SEMA4C: variants seen among roughly 807,000 people sequenced by gnomAD.
SEMA4C encodes the protein semaphorin-4C.
A neutral mutation model predicts 89.0 loss-of-function variants in SEMA4C; 19 were observed. That is an observed-to-expected ratio of 0.21 (90% CI 0.15 to 0.31). SEMA4C has a LOEUF of 0.31. Ranked by LOEUF, SEMA4C falls within the 10% of genes least tolerant of loss-of-function variation. SEMA4C has a pLI of 1.00. For synonymous variants in SEMA4C, 428 were observed against 472.7 expected, an observed-to-expected ratio of 0.91 and a Z score of 1.23; for missense variants, 811 against 1,107.0, an observed-to-expected ratio of 0.73 and a Z score of 3.79.
At position 96,864,275 on chromosome 2, in the gene SEMA4C, C is replaced by T. The variant is rs781769096; in HGVS notation, c.1070G>A (p.Arg357His). The stretch of plus-strand genomic sequence containing the variant: ...AGGGCTGGGTACAGGGTCAGTGTAG[C>T]GGTCCCACTTCTGGGCTTCCTCATG... ...EYHEEAQKWD[R>H]YTDPVPSPRP... The change falls in exon 10 of 15, where the codon CGC becomes CAC. Residue 357 changes from arginine (R) to histidine (H), a missense_variant. Arg to His is a conservative substitution (Grantham distance 29). Coordinates refer to ENST00000305476, the MANE Select transcript of SEMA4C (RefSeq NM_017789.5). The surrounding 1 kb of genome is among the most constrained non-coding windows in gnomAD (Gnocchi z 6.3). 6.2e-6 allele frequency: 10 copies of T among 1,613,914 alleles called. No homozygotes were observed. Among genetic ancestry groups the T allele is most frequent in the African/African-American group, 2.7e-5 (2 of 74,914 alleles).
chr2:96,862,134 A>T, intron 12 of SEMA4C: 1 of 522,172 alleles, frequency 1.9e-6, no homozygotes, highest in Non-Finnish European at 3.4e-6. Context: ...TATCGACGTG[A>T]CGTTATTAGA....
chr2:96,863,455 C>T (rs530349057), intron 12 of SEMA4C: 68 of 1,323,088 alleles, frequency 5.1e-5, no homozygotes, highest in Middle Eastern at 2.9e-4. Flanking sequence ...AGCGCAGCCC[C>T]GTGACCTGGC....
rs1380928987 is a variant in SEMA4C, at chr2:96,864,259, T to C, written c.1086A>G (p.Val362=). The change falls in exon 10 of 15, where the codon GTA becomes GTG. Residue 362 remains valine (V), a synonymous_variant. Transcript: ENST00000305476. The surrounding 1 kb of genome is among the most constrained non-coding windows in gnomAD (Gnocchi z 6.3). ...AQKWDRYTDP[V]PSPRPGSCIN... Reference sequence around the variant, plus strand: ...TCACCGAGCCAGGCCGAGGGCTGGGTACAGGGTCAGTGTAGCGGTCCCACT... The same window carrying C: ...TCACCGAGCCAGGCCGAGGGCTGGGCACAGGGTCAGTGTAGCGGTCCCACT... 1.9e-6 allele frequency: 3 copies of C among 1,613,954 alleles called. No homozygotes were observed. Among genetic ancestry groups the C allele is most frequent in the Middle Eastern group, 1.6e-4 (1 of 6,062 alleles).
At chr2:96,867,133 G>A (rs562239344) in intron 2 of SEMA4C, among the ~76,000 whole-genome samples, 71 of 152,284 alleles carry the variant, frequency 4.7e-4, no homozygotes, top group African/African-American at 1.6e-3. Flanking sequence ...CTGCCGACCT[G>A]TCCTCAGGGT....
At chr2:96,866,480 C>T in intron 2 of SEMA4C, 49 bp from the exon 3 acceptor site, 4 of 1,612,866 alleles carry the variant, frequency 2.5e-6, no homozygotes, top group South Asian at 1.1e-5. Context: ...TGGGGCTCGA[C>T]AGCCCTCAGT....
At chr2:96,867,163 T>C (rs2080092627) in intron 2 of SEMA4C, among the ~76,000 whole-genome samples, 1 of 152,156 alleles carries the variant, frequency 6.6e-6, no homozygotes, top group Non-Finnish European at 1.5e-5. Context: ...CCAGCCTTAG[T>C]CTTTGCAGGC....
intron 2 of SEMA4C, among the ~76,000 whole-genome samples, chr2:96,867,196 C>A (rs929736010): frequency 1.3e-5 from 2 of 152,186 alleles, no homozygotes; most frequent in African/African-American, 4.8e-5. Context: ...AGACACAGAC[C>A]GGCATGGCAG....
At chr2:96,868,071 TC>T in intron 1 of SEMA4C, 148 bp from the exon 2 acceptor site, 1 of 1,137,628 alleles carries the variant, frequency 8.8e-7, no homozygotes, top group Non-Finnish European at 1.2e-6. Context: ...TGGACCTAAG[TC>T]CCCACACTTG....
Position 96,867,889 on chromosome 2 carries a change from C to A in SEMA4C, c.-3G>T. On this transcript the variant is annotated 5_prime_UTR_variant, in exon 2 of 15. Coordinates refer to ENST00000305476, the MANE Select transcript of SEMA4C (RefSeq NM_017789.5). ...CAGACAGCCCAGTGTGGGGCCATGG[C>A]GCACGCCCCGGCTCTGAGCTTCAGG... is the stretch of plus-strand genomic sequence containing the variant. 1.2e-6 allele frequency: 2 copies of A among 1,613,472 alleles called. No individual in the cohort carries two copies. The highest frequency in any genetic ancestry group is 8.5e-7 in the Non-Finnish European group (1 of 1,180,014).
Position 96,860,833 on chromosome 2 carries a change from G to A in SEMA4C, c.2295C>T (p.Ile765=), listed in dbSNP as rs764719417. 1.2e-6 allele frequency: 2 copies of A among 1,613,246 alleles called. No individual in the cohort carries two copies. Among genetic ancestry groups the A allele is most frequent in the Non-Finnish European group, 1.7e-6 (2 of 1,180,016 alleles). Residue 765 remains isoleucine, a synonymous_variant, in exon 15 of 15, where the codon ATC becomes ATT. Transcript: ENST00000305476. ...GGGPPSPPPG[I]PGQPLPSPTR... is the part of the protein sequence containing the mutation. ...TTGGAGAAGGCAGAGGCTGGCCTGG[G>A]ATGCCTGGAGGTGGCGAAGGGGGCC... is the stretch of plus-strand genomic sequence containing the variant.
In SEMA4C at chr2:96,865,665, C is replaced by T; in HGVS notation, c.420+1G>A. The T allele has an allele frequency of 1.9e-6, 3 of 1,613,810 alleles. No individual in the cohort carries two copies. The highest frequency in any genetic ancestry group is 2.5e-6 in the Non-Finnish European group (3 of 1,179,794). On this transcript the variant is annotated splice_donor_variant, in intron 5 of 14. Transcript: ENST00000305476. LOFTEE classifies it high-confidence loss of function. ...CACCGAGGTAGGAGGGCAGCACTCA[C>T]GACGTAGGTGCACTTGGGCTGGAAG...
Position 96,861,699 on chromosome 2 carries a change from G to C in SEMA4C, c.1601+38C>G. On this transcript the variant is annotated intron_variant, in intron 13 of 14. Transcript: ENST00000305476. This position sits in a 1 kb window ranked among gnomAD's most constrained non-coding sequence, Gnocchi z 7.8. ...AGCAGCCTGGCTCCAACCACCCTGA[G>C]TCCCTGGAGGTCCTGGCCTATGTAG... 2 of 1,605,146 alleles carry C rather than the reference G, an allele frequency of 1.2e-6. No homozygotes were observed. Among genetic ancestry groups the C allele is most frequent in the Non-Finnish European group, 1.7e-6 (2 of 1,173,808 alleles).
rs1291076332 is a variant in SEMA4C at position 96,863,684 on chromosome 2, T to C, written c.1441A>G (p.Lys481Glu). 2 of 1,613,594 alleles carry C rather than the reference T, an allele frequency of 1.2e-6. No homozygotes were observed. The highest frequency in any genetic ancestry group is 1.7e-6 in the Non-Finnish European group (2 of 1,179,544). The change falls in exon 12 of 15, where the codon AAG becomes GAG. Residue 481 changes from lysine (K) to glutamate (E), a missense_variant and splice_region_variant. Lys to Glu is a moderately conservative substitution (Grantham distance 56). This residue lies in a region of SEMA4C where 441 missense variants were observed against 664.9 expected (regional missense o/e 0.66). Coordinates refer to ENST00000305476, the MANE Select transcript of SEMA4C (RefSeq NM_017789.5). ...PMRSLVLSQS[K>E]KLLFAGSRSQ... ...GCAGATAGGGCCCAACTTACTACCT[T>C]GCTCTGAGATAGCACCAGGCTTCTC... is the stretch of plus-strand genomic sequence containing the variant.
intron 2 of SEMA4C, 132 bp from the exon 3 acceptor site, chr2:96,866,563 C>T (rs1404820702): frequency 1.5e-6 from 2 of 1,307,446 alleles, no homozygotes; most frequent in Non-Finnish European, 2.2e-6. Context: ...CAATAAAGGA[C>T]ACTTTTGAAA....
At chr2:96,870,567 T>A (rs1324791093), upstream of SEMA4C, 1 of 985,526 alleles carries the variant, frequency 1.0e-6, no homozygotes, top group South Asian at 4.7e-5. Context: ...CCCCCAATTC[T>A]GCCTCTTTCT....
chr2:96,868,669 C>T, intron 1 of SEMA4C: 2 of 985,478 alleles, frequency 2.0e-6, no homozygotes, highest in African/African-American at 3.5e-5. Context: ...GAAACACCAG[C>T]CCTCTGGCGG....
In SEMA4C at chr2:96,864,249, G is replaced by A. The variant is rs1466846844; in HGVS notation, c.1096C>T (p.Arg366Trp). Residue 366 changes from arginine to tryptophan, a missense_variant, in exon 10 of 15, where the codon CGG becomes TGG. Arg to Trp is a moderately radical substitution (Grantham distance 101). Transcript: ENST00000305476. The surrounding 1 kb of genome is among the most constrained non-coding windows in gnomAD (Gnocchi z 6.3). ...GCCCTAGCACTCACCGAGCCAGGCCGAGGGCTGGGTACAGGGTCAGTGTAG... is the reference window on the plus strand; with the variant it reads ...GCCCTAGCACTCACCGAGCCAGGCCAAGGGCTGGGTACAGGGTCAGTGTAG... ...DRYTDPVPSPRPGSCINNWHR... is the reference protein window; with the variant it reads ...DRYTDPVPSPWPGSCINNWHR... 2 of 1,613,990 alleles carry A rather than the reference G, an allele frequency of 1.2e-6. No individual in the cohort carries two copies. The highest frequency in any genetic ancestry group is 2.2e-5 in the East Asian group (1 of 44,872).
chr2:96,860,799 G>A lies in SEMA4C; in HGVS notation c.2329C>T (p.His777Tyr). 1 of 1,613,834 alleles carries A rather than the reference G, an allele frequency of 6.2e-7. No individual in the cohort carries two copies. Among genetic ancestry groups the A allele is most frequent in the Non-Finnish European group, 8.5e-7 (1 of 1,180,002 alleles). Residue 777 changes from histidine to tyrosine, a missense_variant, in exon 15 of 15, where the codon CAC (histidine) becomes TAC (tyrosine). His to Tyr is a moderately conservative substitution (Grantham distance 83). Coordinates refer to ENST00000305476, the MANE Select transcript of SEMA4C (RefSeq NM_017789.5). Reference sequence around the variant, plus strand: ...TTTGAGTTCCGCCCACCCCCCAGGTGAAGCCGAGTTGGAGAAGGCAGAGGC... The same window carrying A: ...TTTGAGTTCCGCCCACCCCCCAGGTAAAGCCGAGTTGGAGAAGGCAGAGGC... ...GQPLPSPTRLHLGGGRNSNAN... is the reference protein window; with the variant it reads ...GQPLPSPTRLYLGGGRNSNAN...
In SEMA4C at chr2:96,861,228, C is replaced by A. The variant is rs1373182743; in HGVS notation, c.1900G>T (p.Ala634Ser). ...AYHCFSEEQGARLAAEGYLVA... is the reference protein window; with the variant it reads ...AYHCFSEEQGSRLAAEGYLVA... ...AGGTAGCCTTCAGCAGCCAGCCGCG[C>A]CCCCTGCTCCTCTGAAAAGCAGTGG... is the stretch of plus-strand genomic sequence containing the variant. The change falls in exon 15 of 15, where the codon GCG becomes TCG. Residue 634 changes from alanine (A) to serine (S), a missense_variant. Around this residue, in one of 4 missense-constraint regions of SEMA4C, gnomAD observed 248 missense variants for 269.0 expected, o/e 0.92. Coordinates refer to ENST00000305476, the MANE Select transcript of SEMA4C (RefSeq NM_017789.5). The surrounding 1 kb of genome is among the most constrained non-coding windows in gnomAD (Gnocchi z 7.8). 6.2e-7 allele frequency: 1 copy of A among 1,610,388 alleles called. No homozygotes were observed. Among genetic ancestry groups the A allele is most frequent in the Non-Finnish European group, 8.5e-7 (1 of 1,179,682 alleles).
Sources: gnomAD v4.1 joint callset for allele counts (sites outside exome capture counted in the v4.1 genomes callset) on GRCh38, gnomAD v4.1.1 for gene constraint, gnomAD v4.1.1 regional missense constraint, Gnocchi (gnomAD v3.1) non-coding constraint, MANE v1.5 for transcripts, NCBI Gene and HGNC (gene_info 2026-07-23, HGNC 2026-07-21) for gene names.